Variants in FHIP2B observed in about 807,000 individuals in gnomAD.
FHIP2B encodes FHF complex subunit HOOK interacting protein 2B, also known as FHF complex subunit HOOK-interacting protein 2B.
In FHIP2B, 72 loss-of-function variants were observed where a neutral mutation model predicts 84.0. The observed-to-expected ratio is 0.86, with a 90% CI of 0.71 to 1.04. The LOEUF (loss-of-function observed/expected upper bound fraction) is 1.04, where lower values mean the gene tolerates loss of function less well. Among genes scored for constraint, FHIP2B ranks in the 50% least tolerant of loss-of-function variants. FHIP2B has a pLI of 0.00. For missense variants in FHIP2B, 972 were observed against 968.9 expected (o/e 1.00, Z -0.04); for synonymous variants, 497 against 418.7 (o/e 1.19, Z -2.28).
chr8:22,097,393 C>T (rs558100887), intron 3 of FHIP2B, 123 bp from the exon 4 acceptor site: 1 of 619,632 alleles, frequency 1.6e-6, no homozygotes. Context: ...CTCAGTACCC[C>T]CCAGGCATGC....
intron 10 of FHIP2B, chr8:22,100,232 C>G (rs144129270): frequency 6.3e-5 from 24 of 380,624 alleles, no homozygotes; most frequent in Middle Eastern, 1.4e-3. Context: ...CTGTTCCCAG[C>G]TTATTTTTTT....
In FHIP2B at chr8:22,094,523, G is replaced by A. The variant is rs754664753; in HGVS notation, c.124+5G>A. Reference sequence around the variant, plus strand: ...ACTACTACATCGAGAGCACAGGTGCGGCCTGGCCCTCCCCAGCCCAGGGAC... The same window carrying A: ...ACTACTACATCGAGAGCACAGGTGCAGCCTGGCCCTCCCCAGCCCAGGGAC... On this transcript the variant is annotated splice_donor_5th_base_variant and intron_variant, in intron 2 of 16. Transcript: ENST00000289921. 1.1e-5 allele frequency: 18 copies of A among 1,609,700 alleles called. No homozygotes were observed. The highest frequency in any genetic ancestry group is 7.7e-5 in the South Asian group (7 of 90,890).
intron 1 of FHIP2B, chr8:22,089,838 C>T (rs1283590739): frequency 7.8e-7 from 1 of 1,284,024 alleles, no homozygotes; most frequent in Non-Finnish European, 1.0e-6. Flanking sequence ...CCCTGCCGGT[C>T]CAAGTCCCCA....
rs751140696 is a variant in FHIP2B at position 22,100,235 on chromosome 8, A to AT, written c.1341+349dup. ...AGGCATGAGCCACTGTTCCCAGCTTATTTTTTTACAGTATTTTATATTTTG... is the reference window on the plus strand; with the variant it reads ...AGGCATGAGCCACTGTTCCCAGCTTATTTTTTTTACAGTATTTTATATTTTG... On this transcript the variant is annotated intron_variant, in intron 10 of 16. Transcript: ENST00000289921. 2.4e-5 allele frequency: 9 copies of AT among 372,674 alleles called. 1 individual carries two copies. The highest frequency in any genetic ancestry group is 1.3e-4 in the African/African-American group (6 of 47,048). 23.1% of individuals were successfully genotyped at this position (372,674 alleles called of 1,614,324 possible). A position where few individuals can be genotyped will look rare whatever the true frequency, so the allele number is the denominator to read the frequency against.
In FHIP2B at chr8:22,098,634, C is replaced by T. The variant is rs776227768; in HGVS notation, c.965+15C>T. On this transcript the variant is annotated intron_variant, in intron 7 of 16. Coordinates refer to ENST00000289921, the MANE Select transcript of FHIP2B (RefSeq NM_022749.7). ...ATCAGCTGGAGGTGGGTGCCCAGCCCGGGAAGGCCGGCCAGCATCTTCAGT... is the reference window on the plus strand; with the variant it reads ...ATCAGCTGGAGGTGGGTGCCCAGCCTGGGAAGGCCGGCCAGCATCTTCAGT... 4.6e-5 allele frequency: 71 copies of T among 1,528,864 alleles called. No individual in the cohort carries two copies. Among genetic ancestry groups the T allele is most frequent in the South Asian group, 3.6e-5 (3 of 82,198 alleles). The allele number at this position is 1,528,864 out of a possible 1,614,324, so 94.7% of individuals were successfully genotyped here.
intron 1 of FHIP2B, among the ~76,000 whole-genome samples, chr8:22,090,051 C>T (rs1825392800): frequency 1.4e-5 from 2 of 147,308 alleles, no homozygotes; most frequent in Admixed American, 1.4e-4. Context: ...TGTGTTTTTG[C>T]CATTTTTTGT....
At position 22,094,453 on chromosome 8, in the gene FHIP2B, T is replaced by C. The variant is rs997101867; in HGVS notation, c.59T>C (p.Ile20Thr). ...TGCCCTCCGCAGCGCGAGCCCAGCA[T>C]TGACCTGCTGCAGGCCTTCGTGGAG... ...QEAVGAREPSIDLLQAFVEHW... is the reference protein window; with the variant it reads ...QEAVGAREPSTDLLQAFVEHW... The change falls in exon 2 of 17, where the codon ATT (isoleucine) becomes ACT (threonine). Residue 20 changes from isoleucine (I) to threonine (T), a missense_variant. Ile to Thr is a moderately conservative substitution (Grantham distance 89). Coordinates refer to ENST00000289921, the MANE Select transcript of FHIP2B (RefSeq NM_022749.7). 2.5e-6 allele frequency: 4 copies of C among 1,610,552 alleles called. No individual in the cohort carries two copies. The highest frequency in any genetic ancestry group is 1.7e-4 in the Middle Eastern group (1 of 5,936).
Position 22,101,559 on chromosome 8 carries a change from T to G in FHIP2B, c.1707+29T>G, listed in dbSNP as rs1826115113. On this transcript the variant is annotated intron_variant, in intron 13 of 16. Coordinates refer to ENST00000289921, the MANE Select transcript of FHIP2B (RefSeq NM_022749.7). ...AGTGGCTCCTGCTACCAGCTCCCAC[T>G]TCCTGTCCTTCAGAACAGCTGGGTC... The G allele has an allele frequency of 4.4e-6, 7 of 1,598,924 alleles. 1 individual carries two copies. In the East Asian group the frequency reaches 1.6e-4, roughly 36 times the overall value.
chr8:22,103,186 G>A lies in FHIP2B; in HGVS notation c.*255G>A. 1.9e-6 allele frequency: 1 copy of A among 536,792 alleles called. No homozygotes were observed. The highest frequency in any genetic ancestry group is 3.3e-5 in the East Asian group (1 of 30,242). 33.3% of individuals were successfully genotyped at this position (536,792 alleles called of 1,614,324 possible). A position where few individuals can be genotyped will look rare whatever the true frequency, so the allele number is the denominator to read the frequency against. On this transcript the variant is annotated 3_prime_UTR_variant, in exon 17 of 17. Transcript: ENST00000289921. The stretch of plus-strand genomic sequence containing the variant: ...TTGGAGGAGCTTGGGTGACAGCCAG[G>A]TGAGCACCCAGACCCCAGACCCTCA...
intron 2 of FHIP2B, chr8:22,095,938 C>T (rs1286355963): frequency 6.3e-6 from 1 of 158,164 alleles, no homozygotes; most frequent in Non-Finnish European, 1.4e-5. Flanking sequence ...CAGGCAGCTG[C>T]TGGAATTACA....
intron 8 of FHIP2B, 41 bp downstream of exon 8, chr8:22,099,097 C>T (rs1313691325): frequency 1.3e-6 from 2 of 1,525,370 alleles, no homozygotes; most frequent in Non-Finnish European, 1.8e-6. Context: ...CATGCTGTTC[C>T]CTGTACCATC....
rs527506500 is a variant in FHIP2B at position 22,096,314 on chromosome 8, C to T, written c.125-23C>T. The stretch of plus-strand genomic sequence containing the variant: ...GGGTGCCCCTCTTTACCCTACTCAC[C>T]CTTGTTTCCCAAACATCATTAGATG... On this transcript the variant is annotated intron_variant, in intron 2 of 16. Coordinates refer to ENST00000289921, the MANE Select transcript of FHIP2B (RefSeq NM_022749.7). 3.3e-6 allele frequency: 5 copies of T among 1,532,094 alleles called. No homozygotes were observed. In the East Asian group the frequency reaches 9.9e-5, roughly 30 times the overall value. 94.9% of individuals were successfully genotyped at this position (1,532,094 alleles called of 1,614,324 possible).
Position 22,102,948 on chromosome 8 carries a change from TG to T in FHIP2B, c.*20del. 6.2e-7 allele frequency: 1 copy of T among 1,611,012 alleles called. No individual in the cohort carries two copies. Among genetic ancestry groups the T allele is most frequent in the Non-Finnish European group, 8.5e-7 (1 of 1,178,788 alleles). The stretch of plus-strand genomic sequence containing the variant: ...CAGGTCTGAGCCAGCACCAGGGCGG[TG>T]GGAGACTCCTGTCCACACCTCTGCC... On this transcript the variant is annotated 3_prime_UTR_variant, in exon 17 of 17. Coordinates refer to ENST00000289921, the MANE Select transcript of FHIP2B (RefSeq NM_022749.7).
rs180833096 is a variant in FHIP2B at position 22,098,507 on chromosome 8, C to T, written c.853C>T (p.Gln285Ter). The T allele has an allele frequency of 6.2e-7, 1 of 1,613,374 alleles. No homozygotes were observed. Among genetic ancestry groups the T allele is most frequent in the Admixed American group, 1.7e-5 (1 of 60,002 alleles). ...CCCAGCAGCTGCCACCTACCTGGTA[C>T]AGAGCAGCGCCTGCTGCCCTGCGAT... ...ASPAAATYLV[Q>*]SSACCPAIVR... The change falls in exon 7 of 17, where the codon CAG becomes TAG. Residue 285 changes from glutamine (Q) to a stop codon, truncating the protein, a stop_gained. Transcript: ENST00000289921. LOFTEE classifies it high-confidence loss of function.
At chr8:22,091,206 C>G (rs1274200176) in intron 1 of FHIP2B, among the ~76,000 whole-genome samples, 1 of 150,996 alleles carries the variant, frequency 6.6e-6, no homozygotes, top group African/African-American at 2.4e-5. Context: ...CCTTCCCGCC[C>G]TCTTCTGATC....
At position 22,103,921 on chromosome 8, in the gene FHIP2B, C is replaced by A. The variant is rs745814712; in HGVS notation, c.*990C>A. On this transcript the variant is annotated 3_prime_UTR_variant, in exon 17 of 17. Coordinates refer to ENST00000289921, the MANE Select transcript of FHIP2B (RefSeq NM_022749.7). ...GTGGCTGGGCTGCCACCCCACCCGG[C>A]CCGAATCTGTCTTGACCTGCAGGAA... 1 of 152,696 alleles carries A rather than the reference C, an allele frequency of 6.5e-6. No homozygotes were observed. Among genetic ancestry groups the A allele is most frequent in the Non-Finnish European group, 1.5e-5 (1 of 68,118 alleles). The allele number at this position is 152,696 out of a possible 1,614,324, so 9.5% of individuals were successfully genotyped here.
At chr8:22,099,938 C>T in intron 10 of FHIP2B, 45 bp downstream of exon 10, 1 of 1,521,152 alleles carries the variant, frequency 6.6e-7, no homozygotes, top group East Asian at 2.5e-5. Context: ...CCACCCCTGC[C>T]AGAGGGATTT....
In FHIP2B at chr8:22,101,782, C is replaced by T. The variant is rs1826131719; in HGVS notation, c.1782C>T (p.Pro594=). The change falls in exon 14 of 17, where the codon CCC becomes CCT. Residue 594 remains proline (P), a synonymous_variant. Coordinates refer to ENST00000289921, the MANE Select transcript of FHIP2B (RefSeq NM_022749.7). The part of the protein sequence containing the change: ...LTPTPLDPHE[P]ERPFFEGHFL... ...CCACACCTTTGGACCCCCATGAGCCCGAGCGACCTTTCTTCGAGGGCCACT... is the reference window on the plus strand; with the variant it reads ...CCACACCTTTGGACCCCCATGAGCCTGAGCGACCTTTCTTCGAGGGCCACT... 2.5e-6 allele frequency: 4 copies of T among 1,613,368 alleles called. No homozygotes were observed. The highest frequency in any genetic ancestry group is 2.2e-5 in the East Asian group (1 of 44,864).
Position 22,103,256 on chromosome 8 carries a change from G to GTACAGAA in FHIP2B, c.*325_*326insTACAGAA. The GTACAGAA allele has an allele frequency of 3.5e-6, 1 of 284,696 alleles. No individual in the cohort carries two copies. 17.6% of individuals were successfully genotyped at this position (284,696 alleles called of 1,614,324 possible). A position where few individuals can be genotyped will look rare whatever the true frequency, so the allele number is the denominator to read the frequency against. ...CTTCTGTACTGGCCATTTGTGGCCA[G>GTACAGAA]GGCCAAGCCTGTGACTCAACTCCAG... On this transcript the variant is annotated 3_prime_UTR_variant, in exon 17 of 17. Coordinates refer to ENST00000289921, the MANE Select transcript of FHIP2B (RefSeq NM_022749.7).
Sources: allele counts gnomAD v4.1 joint callset (sites outside exome capture counted in the v4.1 genomes callset), GRCh38; gene constraint gnomAD v4.1.1; transcripts MANE v1.5; gene names NCBI Gene and HGNC (gene_info 2026-07-23, HGNC 2026-07-21).